ASPH: variants seen among roughly 807,000 people sequenced by gnomAD.
The protein encoded by ASPH is aspartyl/asparaginyl beta-hydroxylase.
ASPH carries 100 observed loss-of-function variants against 118.4 expected under a neutral mutation model. The ratio of observed to expected loss-of-function variants is 0.84; its 90% confidence interval spans 0.72 to 1.00. ASPH has a LOEUF of 1.00. Ranked by LOEUF, ASPH falls within the 50% of genes least tolerant of loss-of-function variation. The pLI is 0.00. For missense variants in ASPH, 920 were observed against 919.5 expected (o/e 1.00, Z -0.01); for synonymous variants, 315 against 325.6 (o/e 0.97, Z 0.35).
intron 1 of ASPH, among the ~76,000 whole-genome samples, chr8:61,702,280 CTTTTTTTTTTTTTT>C (rs71257379): frequency 4.1e-5 from 5 of 123,396 alleles, no homozygotes; most frequent in African/African-American, 3.1e-5. Flanking sequence ...ATAGCTACTT[CTTTTTTTTTTTTTT>C]TTTTTTTTTT....
chr8:61,569,636 TA>T (rs1325689783), intron 16 of ASPH, among the ~76,000 whole-genome samples: 1 of 152,094 alleles, frequency 6.6e-6, no homozygotes, highest in African/African-American at 2.4e-5. Context: ...CTGATTAGGA[TA>T]AATTACCCAA....
At chr8:61,633,487 T>C (rs1856481901) in intron 13 of ASPH, 196 bp downstream of exon 13, 2 of 408,772 alleles carry the variant, frequency 4.9e-6, no homozygotes, top group Non-Finnish European at 8.9e-6. Context: ...TCAGCAGATA[T>C]GTACTGCACT....
At chr8:61,556,876 T>C (rs4319092) in intron 18 of ASPH, among the ~76,000 whole-genome samples, 49,644 of 151,998 alleles carry the variant, frequency 0.33, 10,782 homozygotes, top group African/African-American at 0.62. Context: ...ACAGCCACAG[T>C]AGGACTACAA....
intron 1 of ASPH, among the ~76,000 whole-genome samples, chr8:61,688,754 A>G (rs1221214289): frequency 6.6e-6 from 1 of 152,168 alleles, no homozygotes; most frequent in Non-Finnish European, 1.5e-5. Flanking sequence ...GCAACAGCTG[A>G]TTTTTCCTAA....
intron 3 of ASPH, among the ~76,000 whole-genome samples, chr8:61,665,965 G>A (rs910483764): frequency 1.3e-5 from 2 of 152,170 alleles, no homozygotes; most frequent in East Asian, 1.9e-4. Flanking sequence ...CACTGGCAAC[G>A]TAAGAACAAA....
rs1415677401 is a variant in ASPH at position 61,502,565 on chromosome 8, TA to T, written c.*793del. The T allele has an allele frequency of 6.6e-6, 1 of 152,196 alleles. No homozygotes were observed. 9.4% of individuals were successfully genotyped at this position (152,196 alleles called of 1,614,324 possible). A position where few individuals can be genotyped will look rare whatever the true frequency, so the allele number is the denominator to read the frequency against. On this transcript the variant is annotated 3_prime_UTR_variant, in exon 25 of 25. Coordinates refer to ENST00000379454, the MANE Select transcript of ASPH (RefSeq NM_004318.4). ...CCCCAGAAGCTCTAATAATTGGCAT[TA>T]AAAAAATTTGCATCTGGGATTTTTA...
At chr8:61,626,705 A>T (rs1852974143) in intron 13 of ASPH, among the ~76,000 whole-genome samples, 1 of 138,892 alleles carries the variant, frequency 7.2e-6, no homozygotes, top group South Asian at 2.3e-4. Context: ...ATTAAAATAA[A>T]TTTTAAATTA....
At chr8:61,579,161 C>T in intron 15 of ASPH, 1 of 1,612,048 alleles carries the variant, frequency 6.2e-7, no homozygotes, top group Admixed American at 1.7e-5. Flanking sequence ...ACTGGAACAT[C>T]AGCCAGCTCC....
chr8:61,555,843 A>G (rs1475335359), intron 19 of ASPH, 81 bp downstream of exon 19: 3 of 1,229,110 alleles, frequency 2.4e-6, no homozygotes, highest in Admixed American at 3.9e-5. Flanking sequence ...CATGCAATCA[A>G]TCTACAAGGA....
rs990045810 is a variant in ASPH at position 61,578,420 on chromosome 8, G to A, written c.1063-1562C>T. On this transcript the variant is annotated intron_variant, in intron 15 of 24. Coordinates refer to ENST00000379454, the MANE Select transcript of ASPH (RefSeq NM_004318.4). ...GCATGGGAGGCATCACCGCAGTCAT[G>A]GTCAACCAGAGCCTACTGAGCCCCC... The A allele has an allele frequency of 2.0e-4, 314 of 1,602,958 alleles. No individual in the cohort carries two copies. The African/African-American group carries it at 2.6e-3, about 13-fold the overall frequency.
chr8:61,549,176 T>A (rs2130923529), intron 20 of ASPH, among the ~76,000 whole-genome samples: 1 of 152,364 alleles, frequency 6.6e-6, no homozygotes. Context: ...ATCTTCTTTG[T>A]AAATCACCAG....
chr8:61,690,502 A>G (rs1563619079), intron 1 of ASPH, among the ~76,000 whole-genome samples: 3 of 150,212 alleles, frequency 2.0e-5, no homozygotes, highest in African/African-American at 7.3e-5. Flanking sequence ...CCACATTCTG[A>G]TTTTTTTTTT....
chr8:61,647,527 C>T (rs1277564765), intron 5 of ASPH, among the ~76,000 whole-genome samples: 1 of 151,974 alleles, frequency 6.6e-6, no homozygotes, highest in African/African-American at 2.4e-5. Flanking sequence ...AAAAATTAGT[C>T]ATGCATGGTG....
chr8:61,613,694 G>T (rs1324804398), intron 14 of ASPH, among the ~76,000 whole-genome samples: 2 of 152,182 alleles, frequency 1.3e-5, no homozygotes, highest in African/African-American at 2.4e-5. Context: ...TTAAGAAATG[G>T]GAGTGATAAA....
At chr8:61,629,040 A>C (rs771503058) in intron 13 of ASPH, among the ~76,000 whole-genome samples, 2 of 152,198 alleles carry the variant, frequency 1.3e-5, no homozygotes, top group African/African-American at 4.8e-5. Flanking sequence ...ATGTTAAAAA[A>C]TGCTGGGTAA....
chr8:61,645,393 G>T (rs746913308), intron 6 of ASPH, among the ~76,000 whole-genome samples: 3 of 152,126 alleles, frequency 2.0e-5, no homozygotes, highest in Non-Finnish European at 4.4e-5. Flanking sequence ...GAAATTTGTT[G>T]TATAAGCAGC....
At chr8:61,697,832 G>A (rs533070786) in intron 1 of ASPH, among the ~76,000 whole-genome samples, 4 of 152,030 alleles carry the variant, frequency 2.6e-5, no homozygotes, top group South Asian at 2.1e-4. Context: ...TGTGTTTCCC[G>A]GGCTGGAGTG....
At chr8:61,696,599 T>A (rs946404289) in intron 1 of ASPH, among the ~76,000 whole-genome samples, 2 of 151,734 alleles carry the variant, frequency 1.3e-5, no homozygotes, top group Non-Finnish European at 1.5e-5. Context: ...GCCTAATGAG[T>A]CGGCTCTGCA....
intron 3 of ASPH, among the ~76,000 whole-genome samples, chr8:61,670,151 GA>G: frequency 6.6e-6 from 1 of 151,116 alleles, no homozygotes; most frequent in South Asian, 2.1e-4. Flanking sequence ...AAAGTATATA[GA>G]CATGAAAAAA....
Sources: allele counts gnomAD v4.1 joint callset (sites outside exome capture counted in the v4.1 genomes callset), GRCh38; gene constraint gnomAD v4.1.1; transcripts MANE v1.5; gene names NCBI Gene and HGNC (gene_info 2026-07-23, HGNC 2026-07-21).